The following RUNX1T1 variants were observed in gnomAD, a reference collection of about 807,000 sequenced individuals.
RUNX1T1 encodes protein CBFA2T1.
A neutral mutation model predicts 62.8 loss-of-function variants in RUNX1T1; 4 were observed. The observed-to-expected ratio is 0.06, with a 90% CI of 0.03 to 0.15. The LOEUF (loss-of-function observed/expected upper bound fraction) is 0.15. RUNX1T1 is among the 10% of genes least tolerant of loss of function. The pLI, the probability that RUNX1T1 is intolerant of heterozygous loss-of-function variation, is 1.00. For synonymous variants in RUNX1T1, 291 were observed against 286.0 expected (o/e 1.02, Z -0.18); for missense variants, 508 against 754.3 (o/e 0.67, Z 3.82).
rs1554588350 is a variant in RUNX1T1 at position 91,959,412 on chromosome 8, T to TGTG, written c.*829_*830insCAC. The TGTG allele has an allele frequency of 3.3e-4, 46 of 139,490 alleles. 2 individuals are homozygous for TGTG. The highest frequency in any genetic ancestry group is 2.7e-3 in the East Asian group (31 of 11,664). 8.6% of individuals were successfully genotyped at this position (139,490 alleles called of 1,614,324 possible). On this transcript the variant is annotated 3_prime_UTR_variant, in exon 11 of 11. Transcript: ENST00000396218. The stretch of plus-strand genomic sequence containing the variant: ...ATTAACTGCAGGCTGAGTCTCTTAC[T>TGTG]TGTGTGTGTGTGTGTGTGTGTGTGT...
intron 1 of RUNX1T1, among the ~76,000 whole-genome samples, chr8:92,022,443 T>C (rs1824304576): frequency 6.6e-6 from 1 of 152,180 alleles, no homozygotes; most frequent in African/African-American, 2.4e-5. Flanking sequence ...TGAAACTTAA[T>C]CACCAATGTG....
At chr8:91,986,821 T>C in intron 7 of RUNX1T1, 66 bp downstream of exon 8, 1 of 1,020,368 alleles carries the variant, frequency 9.8e-7, no homozygotes, top group South Asian at 1.3e-5. Flanking sequence ...TTTTATTTTA[T>C]CACATAACCT....
chr8:92,035,548 G>A (rs1377556786), intron 1 of RUNX1T1, among the ~76,000 whole-genome samples: 1 of 151,944 alleles, frequency 6.6e-6, no homozygotes, highest in Non-Finnish European at 1.5e-5. Flanking sequence ...TCAATATAAA[G>A]GGAGATCAAC....
chr8:92,099,600 T>C (rs1399737652), exon 1 of RUNX1T1: 3 of 984,904 alleles, frequency 3.0e-6, no homozygotes, highest in Non-Finnish European at 3.6e-6. Flanking sequence ...TCCGGCAAAA[T>C]GCAACTGACT....
At chr8:92,027,994 TG>T (rs1825539868) in intron 1 of RUNX1T1, among the ~76,000 whole-genome samples, 1 of 149,848 alleles carries the variant, frequency 6.7e-6, no homozygotes, top group Admixed American at 6.7e-5. Flanking sequence ...TTCTCTGTTT[TG>T]TTAGCTCTGT....
chr8:92,053,924 A>C (rs1676754655), intron 1 of RUNX1T1, among the ~76,000 whole-genome samples: 1 of 152,136 alleles, frequency 6.6e-6, no homozygotes, highest in Admixed American at 6.5e-5. Flanking sequence ...TAAAATGTCT[A>C]TTTTAAACAG....
At chr8:92,014,783 A>G (rs754282433) in exon 3 of RUNX1T1, 1 of 1,613,812 alleles carries the variant, frequency 6.2e-7, no homozygotes, top group East Asian at 2.2e-5. Flanking sequence ...AGGGGGCGCC[A>G]TTCAAGGCTG....
chr8:91,979,062 T>C (rs1023030805), intron 8 of RUNX1T1, among the ~76,000 whole-genome samples: 1 of 152,248 alleles, frequency 6.6e-6, no homozygotes, highest in African/African-American at 2.4e-5. Context: ...TCTCCAGTTC[T>C]AAGTTAGTGT....
chr8:92,034,797 TACACACACACACACAC>T (rs200718439), intron 1 of RUNX1T1, among the ~76,000 whole-genome samples: 3 of 96,846 alleles, frequency 3.1e-5, no homozygotes, highest in Non-Finnish European at 6.6e-5. Context: ...TATACATATA[TACACACACACACACAC>T]ACACACACAC....
intron 1 of RUNX1T1, among the ~76,000 whole-genome samples, chr8:92,031,315 T>C (rs938296497): frequency 6.6e-6 from 1 of 152,352 alleles, no homozygotes; most frequent in East Asian, 1.9e-4. Context: ...CTATTGTGTG[T>C]GTACTCAAAT....
intron 1 of RUNX1T1, among the ~76,000 whole-genome samples, chr8:92,061,871 TCTC>T (rs1832091086): frequency 6.6e-6 from 1 of 152,114 alleles, no homozygotes; most frequent in South Asian, 2.1e-4. Flanking sequence ...CGGCCAGCCT[TCTC>T]CACAAGCAGA....
intron 1 of RUNX1T1, among the ~76,000 whole-genome samples, chr8:92,031,808 T>C (rs942094374): frequency 6.6e-6 from 1 of 152,056 alleles, no homozygotes; most frequent in African/African-American, 2.4e-5. Flanking sequence ...CGGGCGTTTA[T>C]TTAAAGCAAG....
intron 1 of RUNX1T1, among the ~76,000 whole-genome samples, chr8:92,053,154 T>G (rs1830488344): frequency 6.6e-6 from 1 of 151,688 alleles, no homozygotes. Context: ...AGAAAATATA[T>G]ATTATATATA....
At chr8:92,035,619 C>T (rs961459376) in intron 1 of RUNX1T1, among the ~76,000 whole-genome samples, 9 of 152,124 alleles carry the variant, frequency 5.9e-5, no homozygotes, top group East Asian at 1.9e-4. Context: ...AGAGTTTCTA[C>T]ATCAGTGAAT....
At chr8:92,087,741 C>T (rs1268405012) in intron 1 of RUNX1T1, among the ~76,000 whole-genome samples, 2 of 152,162 alleles carry the variant, frequency 1.3e-5, no homozygotes, top group Non-Finnish European at 2.9e-5. Flanking sequence ...AAACATTTTA[C>T]TTTTCTATCA....
intron 1 of RUNX1T1, among the ~76,000 whole-genome samples, chr8:92,079,608 C>G (rs1834929698): frequency 6.6e-6 from 1 of 152,160 alleles, no homozygotes; most frequent in Non-Finnish European, 1.5e-5. Context: ...CTTCCTTAAG[C>G]TTCCATGCAT....
intron 1 of RUNX1T1, chr8:92,094,896 CCTT>C (rs763021177): frequency 1.5e-6 from 1 of 646,388 alleles, no homozygotes; most frequent in African/African-American, 1.8e-5. Flanking sequence ...TTTGTCTCTC[CCTT>C]CTTCATCTAA....
intron 8 of RUNX1T1, among the ~76,000 whole-genome samples, chr8:91,979,094 C>A (rs1326240640): frequency 1.3e-5 from 2 of 152,162 alleles, no homozygotes; most frequent in South Asian, 2.1e-4. Context: ...ATCAGGTCTA[C>A]CAACAGAAAG....
At position 92,060,553 on chromosome 8, in the gene RUNX1T1, A is replaced by ATGTG. The variant is rs1271953758; in HGVS notation, c.7+1989_7+1992dup. On this transcript the variant is annotated intron_variant, in intron 1 of 10. Coordinates refer to ENST00000396218, the Ensembl canonical transcript of RUNX1T1. ...TATATATATATATATATATATATAT[A>ATGTG]TGTGTGTGTGTGTGTGTGTGTGTGT... 3.5e-3 allele frequency among the ~76,000 whole-genome samples: 223 copies of ATGTG among 63,926 alleles called. 4 individuals carry two copies. The highest frequency in any genetic ancestry group is 0.01 in the Middle Eastern group (1 of 100). 41.9% of individuals were successfully genotyped at this position (63,926 alleles called of 152,430 possible). A position where few individuals can be genotyped will look rare whatever the true frequency, so the allele number is the denominator to read the frequency against.
Sources: allele counts gnomAD v4.1 joint callset (sites outside exome capture counted in the v4.1 genomes callset), GRCh38; gene constraint gnomAD v4.1.1; transcripts MANE v1.5; gene names NCBI Gene and HGNC (gene_info 2026-07-23, HGNC 2026-07-21).